UBR3: variants seen among roughly 807,000 people sequenced by gnomAD.
The protein encoded by UBR3 is ubiquitin protein ligase E3 component n-recognin 3.
A neutral mutation model predicts 243.2 loss-of-function variants in UBR3; 85 were observed. The ratio of observed to expected loss-of-function variants is 0.35; its 90% CI spans 0.29 to 0.42. UBR3 has a LOEUF of 0.42. UBR3 is among the 10% of genes least tolerant of loss of function. UBR3 has a pLI of 1.00. For missense variants in UBR3, 1,686 were observed against 2,300.8 expected, an observed-to-expected ratio of 0.73 and a Z score of 5.47; for synonymous variants, 748 against 799.8, an observed-to-expected ratio of 0.94 and a Z score of 1.09.
At chr2:169,885,266 T>C (rs2084045444) in intron 5 of UBR3, among the ~76,000 whole-genome samples, 1 of 152,142 alleles carries the variant, frequency 6.6e-6, no homozygotes, top group Non-Finnish European at 1.5e-5. Context: ...ATTACTACTA[T>C]AGAGTAGGAA....
At chr2:169,838,926 T>C (rs1019570731) in intron 1 of UBR3, among the ~76,000 whole-genome samples, 34 of 152,196 alleles carry the variant, frequency 2.2e-4, no homozygotes, top group African/African-American at 8.2e-4. Flanking sequence ...GGAATGTAAA[T>C]TATTAATAGT....
intron 24 of UBR3, among the ~76,000 whole-genome samples, chr2:169,981,428 A>G (rs911284357): frequency 1.3e-5 from 2 of 152,100 alleles, no homozygotes; most frequent in Non-Finnish European, 2.9e-5. Flanking sequence ...CCTTAGACTA[A>G]TCATGAGAAA....
chr2:169,855,081 A>G (rs1022257080), intron 1 of UBR3, among the ~76,000 whole-genome samples: 5 of 152,282 alleles, frequency 3.3e-5, no homozygotes, highest in South Asian at 2.1e-4. Context: ...TGGCTAGACT[A>G]CATTTTCCTC....
rs558785915 is a variant in UBR3, at chr2:169,833,354, G to A, written c.545+5302G>A. ...GTTTCATGTTCTGTCCTATATTACA[G>A]ATATTTTTGTCTCCTTGCTTGTTCT... On this transcript the variant is annotated intron_variant, in intron 1 of 38. Transcript: ENST00000272793. 1.0e-3 allele frequency among the ~76,000 whole-genome samples: 156 copies of A among 152,314 alleles called. 1 individual carries two copies. Among genetic ancestry groups the A allele is most frequent in the Non-Finnish European group, 1.1e-3 (78 of 68,028 alleles).
chr2:169,850,649 C>G (rs1030396914), intron 1 of UBR3, among the ~76,000 whole-genome samples: 5 of 152,054 alleles, frequency 3.3e-5, no homozygotes, highest in Admixed American at 6.6e-5. Context: ...TTGAGACCAT[C>G]CTGGCTAACA....
chr2:169,888,021 C>T (rs896722762), intron 5 of UBR3, among the ~76,000 whole-genome samples: 1 of 152,018 alleles, frequency 6.6e-6, no homozygotes, highest in African/African-American at 2.4e-5. Context: ...GGTGATCCGC[C>T]CACCTCTGCC....
intron 1 of UBR3, among the ~76,000 whole-genome samples, chr2:169,834,456 G>A (rs984802811): frequency 8.5e-5 from 13 of 152,110 alleles, no homozygotes; most frequent in African/African-American, 3.1e-4. Flanking sequence ...CTTGGTTGAA[G>A]GAAATTTGCA....
intron 23 of UBR3, among the ~76,000 whole-genome samples, chr2:169,956,323 T>C (rs1452573196): frequency 6.7e-6 from 1 of 149,062 alleles, no homozygotes; most frequent in Non-Finnish European, 1.5e-5. Flanking sequence ...TATAACTTTT[T>C]TAAAAATCAA....
At chr2:169,855,967 G>T (rs1279010603) in intron 1 of UBR3, among the ~76,000 whole-genome samples, 2 of 151,424 alleles carry the variant, frequency 1.3e-5, no homozygotes, top group South Asian at 2.1e-4. Context: ...GCGGCTGGCC[G>T]GGCGGGGGCT....
chr2:169,924,432 T>G (rs912200322), intron 13 of UBR3, among the ~76,000 whole-genome samples: 7 of 152,166 alleles, frequency 4.6e-5, no homozygotes, highest in Non-Finnish European at 1.0e-4. Flanking sequence ...TAGCACTGTT[T>G]TGGGAGTCAG....
Position 169,976,884 on chromosome 2 carries a change from C to A in UBR3, c.3635-9761C>A, listed in dbSNP as rs116285867. Among the ~76,000 whole-genome samples the A allele has an allele frequency of 4.0e-3, 601 of 152,080 alleles. 4 individuals are homozygous for A. The highest frequency in any genetic ancestry group is 0.013 in the African/African-American group (556 of 41,498). On this transcript the variant is annotated intron_variant, in intron 24 of 38. Transcript: ENST00000272793. ...CTTAATTGTTCACTTAATGGTGTTC[C>A]ATAAATCTTATAGGCTTTTTTCACT...
At chr2:169,969,849 T>A (rs1246324671) in intron 24 of UBR3, among the ~76,000 whole-genome samples, 1 of 151,448 alleles carries the variant, frequency 6.6e-6, no homozygotes, top group East Asian at 1.9e-4. Flanking sequence ...ACGCCCGGCC[T>A]GTGTCTGTTT....
intron 5 of UBR3, among the ~76,000 whole-genome samples, chr2:169,885,171 G>A (rs1011010147): frequency 4.2e-4 from 64 of 152,152 alleles, no homozygotes; most frequent in African/African-American, 1.5e-3. Flanking sequence ...GGATTGTTAA[G>A]CAAACCCTTT....
intron 23 of UBR3, 122 bp from the exon 24 acceptor site, chr2:169,958,316 A>G (rs1404616153): frequency 1.1e-5 from 8 of 719,724 alleles, no homozygotes; most frequent in Non-Finnish European, 1.6e-5. Flanking sequence ...AATACATAAT[A>G]CAGAAAATAG....
rs560950728 is a variant in UBR3, at chr2:169,842,103, ACT to A, written c.545+14054_545+14055del. 3.3e-3 allele frequency among the ~76,000 whole-genome samples: 501 copies of A among 151,880 alleles called. 12 individuals carry two copies. The highest frequency in any genetic ancestry group is 0.029 in the Admixed American group (448 of 15,230). On this transcript the variant is annotated intron_variant, in intron 1 of 38. Transcript: ENST00000272793. ...AAGGTTTGTGAGTGCACCAATCGACACTCTGTATCTAGCTGCTCTGGTGAGGA... is the reference window on the plus strand; with the variant it reads ...AAGGTTTGTGAGTGCACCAATCGACACTGTATCTAGCTGCTCTGGTGAGGA...
chr2:169,959,589 A>T lies in UBR3; in HGVS notation c.3634+1063A>T, dbSNP rs368746332. ...TTTCCAGAGGGACAGAAATGGTAGG[A>T]TATGTATATATGAAAGGGAGTTTAC... On this transcript the variant is annotated intron_variant, in intron 24 of 38. Transcript: ENST00000272793. 3.3e-5 allele frequency among the ~76,000 whole-genome samples: 5 copies of T among 152,222 alleles called. No individual in the cohort carries two copies. The East Asian group carries it at 7.8e-4, about 24-fold the overall frequency.
chr2:169,868,467 C>T (rs1054526660), intron 1 of UBR3, among the ~76,000 whole-genome samples: 11 of 152,332 alleles, frequency 7.2e-5, no homozygotes, highest in African/African-American at 2.6e-4. Context: ...CACACCACCA[C>T]GCCTGGCTAA....
At chr2:170,016,428 A>T (rs912142933) in intron 30 of UBR3, among the ~76,000 whole-genome samples, 6 of 151,774 alleles carry the variant, frequency 4.0e-5, no homozygotes, top group African/African-American at 1.4e-4. Flanking sequence ...TGACCCCTTT[A>T]TGCATTCATC....
At chr2:170,016,114 A>G (rs954732491) in intron 30 of UBR3, among the ~76,000 whole-genome samples, 4 of 140,598 alleles carry the variant, frequency 2.8e-5, no homozygotes, top group Non-Finnish European at 6.3e-5. Flanking sequence ...ATGAATATAT[A>G]TTCTCAAATA....
Sources: gnomAD v4.1 joint callset for allele counts (sites outside exome capture counted in the v4.1 genomes callset) on GRCh38, gnomAD v4.1.1 for gene constraint, MANE v1.5 for transcripts, NCBI Gene and HGNC (gene_info 2026-07-23, HGNC 2026-07-21) for gene names.